LUZP2: variants seen among roughly 807,000 people sequenced by gnomAD.
LUZP2 encodes leucine zipper protein 2.
A neutral mutation model predicts 51.6 loss-of-function variants in LUZP2; 52 were observed. The ratio of observed to expected loss-of-function variants is 1.01; its 90% CI spans 0.81 to 1.27. The LOEUF (loss-of-function observed/expected upper bound fraction) is 1.27. Ranked by LOEUF, LUZP2 falls within the 50% of genes most tolerant of loss-of-function variation. The probability of loss-of-function intolerance (pLI) is 0.00; values close to 1 mark genes in which losing one functional copy is unlikely to be tolerated. For synonymous variants in LUZP2, 154 were observed against 137.3 expected (o/e 1.12, Z -0.85); for missense variants, 436 against 395.4 (o/e 1.10, Z -0.87).
intron 1 of LUZP2, among the ~76,000 whole-genome samples, chr11:24,632,079 A>C (rs1854915750): frequency 6.6e-6 from 1 of 152,072 alleles, no homozygotes; most frequent in Admixed American, 6.6e-5. Context: ...ATTTTATATT[A>C]GTTTTCAGAA....
intron 5 of LUZP2, among the ~76,000 whole-genome samples, chr11:24,771,955 CT>C (rs1194085444): frequency 1.3e-5 from 2 of 152,122 alleles, no homozygotes; most frequent in African/African-American, 4.8e-5. Context: ...AGCCTCTTTC[CT>C]TTATAAATTA....
At chr11:24,762,920 T>C in intron 4 of LUZP2, 3 of 877,322 alleles carry the variant, frequency 3.4e-6, no homozygotes, top group Non-Finnish European at 4.1e-6. Context: ...CTAGAATCTA[T>C]TTTTTCTTTT....
At chr11:24,997,826 CTT>C (rs1298182713) in intron 9 of LUZP2, among the ~76,000 whole-genome samples, 1 of 152,134 alleles carries the variant, frequency 6.6e-6, no homozygotes, top group Admixed American at 6.6e-5. Flanking sequence ...CCAGTTTTAG[CTT>C]TCTACATATG....
intron 1 of LUZP2, among the ~76,000 whole-genome samples, chr11:24,548,666 A>G (rs1158398066): frequency 6.6e-6 from 1 of 152,048 alleles, no homozygotes; most frequent in Non-Finnish European, 1.5e-5. Context: ...CAATTTATTC[A>G]TGTAACGAAC....
intron 1 of LUZP2, among the ~76,000 whole-genome samples, chr11:24,648,428 G>C (rs1020114258): frequency 2.6e-5 from 4 of 151,924 alleles, no homozygotes; most frequent in African/African-American, 9.7e-5. Context: ...AAATTCAGCT[G>C]CTCGGGTATG....
At chr11:24,676,293 C>G (rs1856549651) in intron 1 of LUZP2, among the ~76,000 whole-genome samples, 1 of 152,080 alleles carries the variant, frequency 6.6e-6, no homozygotes, top group South Asian at 2.1e-4. Flanking sequence ...TTCTATAAAG[C>G]CCAAATGACT....
intron 7 of LUZP2, among the ~76,000 whole-genome samples, chr11:24,920,483 C>T (rs1854009602): frequency 6.6e-6 from 1 of 152,044 alleles, no homozygotes; most frequent in Non-Finnish European, 1.5e-5. Context: ...CAAAACTTAT[C>T]TGCACTCACA....
chr11:24,571,931 A>G (rs1217764176), intron 1 of LUZP2, among the ~76,000 whole-genome samples: 1 of 151,832 alleles, frequency 6.6e-6, no homozygotes, highest in Admixed American at 6.6e-5. Context: ...TATTTGTGTT[A>G]CTCTTTCCAT....
intron 9 of LUZP2, among the ~76,000 whole-genome samples, chr11:25,017,671 T>C (rs1187646611): frequency 1.3e-5 from 2 of 152,198 alleles, no homozygotes; most frequent in Admixed American, 6.6e-5. Context: ...TATTGCATAA[T>C]TTCAAGTCAG....
At chr11:24,683,159 T>C (rs1170685462) in intron 1 of LUZP2, among the ~76,000 whole-genome samples, 1 of 152,220 alleles carries the variant, frequency 6.6e-6, no homozygotes, top group Non-Finnish European at 1.5e-5. Flanking sequence ...CTTCACTTAT[T>C]GGAAGACAGG....
At chr11:24,980,718 G>A (rs552425805) in intron 8 of LUZP2, among the ~76,000 whole-genome samples, 3 of 151,764 alleles carry the variant, frequency 2.0e-5, no homozygotes, top group Non-Finnish European at 4.4e-5. Flanking sequence ...ACCATTCCTG[G>A]AAAGGGTGAT....
intron 1 of LUZP2, among the ~76,000 whole-genome samples, chr11:24,598,402 A>C (rs1853516491): frequency 6.6e-6 from 1 of 152,140 alleles, no homozygotes; most frequent in Non-Finnish European, 1.5e-5. Context: ...CCCTAAATGT[A>C]GGAGAGTTTC....
intron 4 of LUZP2, among the ~76,000 whole-genome samples, chr11:24,749,559 C>T (rs1286482653): frequency 6.6e-6 from 1 of 152,094 alleles, no homozygotes; most frequent in African/African-American, 2.4e-5. Context: ...GAGCTGTCAG[C>T]ACAGCTGGAC....
intron 1 of LUZP2, among the ~76,000 whole-genome samples, chr11:24,644,460 A>G (rs1313067871): frequency 6.6e-6 from 1 of 151,612 alleles, no homozygotes; most frequent in Non-Finnish European, 1.5e-5. Flanking sequence ...AAGTAGAATG[A>G]TACACACATT....
intron 1 of LUZP2, among the ~76,000 whole-genome samples, chr11:24,686,737 T>C (rs775419796): frequency 3.9e-5 from 6 of 152,166 alleles, no homozygotes; most frequent in Non-Finnish European, 5.9e-5. Flanking sequence ...AGAACAGCGA[T>C]TTCCAAAATT....
At chr11:24,570,310 TC>T (rs1297226547) in intron 1 of LUZP2, among the ~76,000 whole-genome samples, 3 of 152,076 alleles carry the variant, frequency 2.0e-5, no homozygotes, top group African/African-American at 7.2e-5. Context: ...TTAAAAGTCA[TC>T]TTTTATATGC....
intron 1 of LUZP2, among the ~76,000 whole-genome samples, chr11:24,537,045 A>T (rs979056694): frequency 4.6e-5 from 7 of 151,868 alleles, no homozygotes; most frequent in Admixed American, 1.3e-4. Flanking sequence ...TTTGTTAGTT[A>T]ATTTTGCATT....
chr11:25,021,028 T>G (rs2133974229), intron 9 of LUZP2, among the ~76,000 whole-genome samples: 1 of 152,202 alleles, frequency 6.6e-6, no homozygotes, highest in African/African-American at 2.4e-5. Flanking sequence ...TCTTCTACAT[T>G]AAGATTTTAT....
chr11:24,677,377 G>C (rs1483888678), intron 1 of LUZP2, among the ~76,000 whole-genome samples: 1 of 152,148 alleles, frequency 6.6e-6, no homozygotes, highest in African/African-American at 2.4e-5. Context: ...CTCTGTTCTT[G>C]TCTGACCTTC....
Sources: gnomAD v4.1 joint callset for allele counts (sites outside exome capture counted in the v4.1 genomes callset) on GRCh38, gnomAD v4.1.1 for gene constraint, MANE v1.5 for transcripts, NCBI Gene and HGNC (gene_info 2026-07-23, HGNC 2026-07-21) for gene names.